CTU2: variants seen among roughly 807,000 people sequenced by gnomAD.
CTU2 encodes cytoplasmic tRNA 2-thiolation protein 2.
Under a neutral mutation model 64.1 loss-of-function variants are expected in CTU2, and 80 were observed. The observed-to-expected ratio is 1.25, with a 90% CI of 1.04 to 1.50. The LOEUF (loss-of-function observed/expected upper bound fraction) is 1.50, where lower values mean the gene tolerates loss of function less well. Among genes scored for constraint, CTU2 ranks in the 40% most tolerant of loss-of-function variants. CTU2 has a pLI of 0.00. For synonymous variants in CTU2, 482 were observed against 285.3 expected, an observed-to-expected ratio of 1.69 and a Z score of -6.95; for missense variants, 1,110 against 690.2, an observed-to-expected ratio of 1.61 and a Z score of -6.81.
chr16:88,714,830 G>T (rs1240979472), intron 12 of CTU2, 30 bp from the exon 13 acceptor site: 2 of 1,612,206 alleles, frequency 1.2e-6, no homozygotes, highest in Non-Finnish European at 1.7e-6. Flanking sequence ...AGGTGCCAAG[G>T]TGGGCACACA....
intron 2 of CTU2, chr16:88,709,100 C>A (rs1376221944): frequency 6.6e-6 from 1 of 152,194 alleles, no homozygotes; most frequent in Admixed American, 6.5e-5. Flanking sequence ...CAAAGTGAGA[C>A]CTTGTCTCTA....
intron 2 of CTU2, 124 bp from the exon 3 acceptor site, chr16:88,709,814 G>T: frequency 1.2e-6 from 1 of 836,998 alleles, no homozygotes; most frequent in African/African-American, 1.7e-5. Flanking sequence ...GACAGAGCCT[G>T]GATGTGAAGA....
chr16:88,707,978 T>C (rs1911027112), intron 2 of CTU2, among the ~76,000 whole-genome samples: 1 of 151,914 alleles, frequency 6.6e-6, no homozygotes, highest in African/African-American at 2.4e-5. Context: ...GCCCGGCCAA[T>C]TGTTTTTGTA....
intron 8 of CTU2, 28 bp from the exon 9 acceptor site, chr16:88,713,619 T>G (rs751505072): frequency 6.2e-7 from 1 of 1,606,178 alleles, no homozygotes; most frequent in Non-Finnish European, 8.5e-7. Context: ...GGCCTTGACC[T>G]GGACCACACA....
At chr16:88,706,646 C>G (rs886131943) in intron 1 of CTU2, 48 bp downstream of exon 1, 1 of 1,304,710 alleles carries the variant, frequency 7.7e-7, no homozygotes, top group Non-Finnish European at 9.9e-7. Flanking sequence ...GCCTTCCCGC[C>G]GCACTCCTGC....
rs1282935215 is a variant in CTU2 at position 88,714,676 on chromosome 16, G to A, written c.1291G>A (p.Gly431Arg). The A allele has an allele frequency of 1.9e-6, 3 of 1,612,308 alleles. No homozygotes were observed. The highest frequency in any genetic ancestry group is 2.2e-5 in the East Asian group (1 of 44,856). ...IPLTETRTPP[G>R]PCCSPGVGWA... ...CCTGACTGAGACCCGGACACCCCCG[G>A]GGCCCTGCTGTTCTCCAGGGGTGGG... is the stretch of plus-strand genomic sequence containing the variant. The change falls in exon 12 of 15, where the codon GGG (glycine) becomes AGG (arginine). Residue 431 changes from glycine (G) to arginine (R), a missense_variant. Transcript: ENST00000453996.
chr16:88,711,358 G>A (rs914155549), intron 4 of CTU2, among the ~76,000 whole-genome samples: 2 of 152,156 alleles, frequency 1.3e-5, no homozygotes, highest in Non-Finnish European at 2.9e-5. Context: ...CTCCTGGGGC[G>A]TTGTTGGGAC....
In CTU2 at chr16:88,714,935, G is replaced by C. The variant is rs373232663; in HGVS notation, c.1419+9G>C. 3 of 1,612,344 alleles carry C rather than the reference G, an allele frequency of 1.9e-6. No individual in the cohort carries two copies. The highest frequency in any genetic ancestry group is 2.7e-5 in the African/African-American group (2 of 74,918). ...TGAACATGAAGGACTTGGTGAGTAC[G>C]TGCCCACCTGTCCTGGGCCGGGCTT... On this transcript the variant is annotated intron_variant, in intron 13 of 14. Transcript: ENST00000453996.
In CTU2 at chr16:88,715,122, CT is replaced by C. The variant is rs1567654495; in HGVS notation, c.1478+17del. 2 of 1,598,380 alleles carry C rather than the reference CT, an allele frequency of 1.3e-6. No individual in the cohort carries two copies. Among genetic ancestry groups the C allele is most frequent in the Admixed American group, 1.7e-5 (1 of 58,720 alleles). Reference sequence around the variant, plus strand: ...GCACACAGAGGTACTGGGGCCCACACTGCCGTGGCGCGTGGGTAAGGGGCCT... The same window carrying C: ...GCACACAGAGGTACTGGGGCCCACACGCCGTGGCGCGTGGGTAAGGGGCCT... On this transcript the variant is annotated intron_variant, in intron 14 of 14. Coordinates refer to ENST00000453996, the MANE Select transcript of CTU2 (RefSeq NM_001012759.3).
At chr16:88,710,041 G>C (rs775030045) in intron 3 of CTU2, 25 bp downstream of exon 3, 1 of 1,612,486 alleles carries the variant, frequency 6.2e-7, no homozygotes, top group East Asian at 2.2e-5. Flanking sequence ...CTGGGGGTCT[G>C]ACTGAGCAGC....
In CTU2 at chr16:88,706,603, G is replaced by C. The variant is rs1482473471; in HGVS notation, c.68+5G>C. On this transcript the variant is annotated splice_donor_5th_base_variant and intron_variant, in intron 1 of 14. Transcript: ENST00000453996. ...GCCCCCGGCGCCGCGGCCCAGGTAA[G>C]AGCTGGCGGCCGGACCCGCCAGGCC... 8.4e-6 allele frequency: 12 copies of C among 1,421,952 alleles called. No individual in the cohort carries two copies. The highest frequency in any genetic ancestry group is 1.5e-5 in the African/African-American group (1 of 66,168). The allele number at this position is 1,421,952 out of a possible 1,614,324, so 88.1% of individuals were successfully genotyped here. A position where few individuals can be genotyped will look rare whatever the true frequency, so the allele number is the denominator to read the frequency against.
Position 88,712,693 on chromosome 16 carries a change from G to C in CTU2, c.525G>C (p.Lys175Asn). 1 of 1,610,534 alleles carries C rather than the reference G, an allele frequency of 6.2e-7. No individual in the cohort carries two copies. Among genetic ancestry groups the C allele is most frequent in the South Asian group, 1.1e-5 (1 of 90,946 alleles). The change falls in exon 7 of 15, where the codon AAG (lysine) becomes AAC (asparagine). Residue 175 changes from lysine (K) to asparagine (N), a missense_variant. Transcript: ENST00000453996. Reference sequence around the variant, plus strand: ...TGGTGGGATCCGAGGGGGCCTACAAGGCGGCCGTGGACAGCTTCCTCCAGC... The same window carrying C: ...TGGTGGGATCCGAGGGGGCCTACAACGCGGCCGTGGACAGCTTCCTCCAGC... ...QELVGSEGAY[K>N]AAVDSFLQQQ...
chr16:88,712,618 G>A lies in CTU2; in HGVS notation c.454-4G>A, dbSNP rs965185849. ...CCTCACTGGCGTCTCCCTCATCCCG[G>A]AAGGTGTTCAGCCTGCCACCGTCGG... On this transcript the variant is annotated splice_region_variant and splice_polypyrimidine_tract_variant and intron_variant, in intron 6 of 14. Transcript: ENST00000453996. 6.2e-7 allele frequency: 1 copy of A among 1,608,892 alleles called. No individual in the cohort carries two copies. The highest frequency in any genetic ancestry group is 1.3e-5 in the African/African-American group (1 of 74,830).
Position 88,715,162 on chromosome 16 carries a change from CACT to C in CTU2, c.1479-19_1479-17del. 1 of 1,611,042 alleles carries C rather than the reference CACT, an allele frequency of 6.2e-7. No homozygotes were observed. The highest frequency in any genetic ancestry group is 8.5e-7 in the Non-Finnish European group (1 of 1,179,208). Reference sequence around the variant, plus strand: ...GGTAAGGGGCCTCGGGGCTGGTGCCCACTGCAGCTTTCTCTCTAGGGCCTGGGG... The same window carrying C: ...GGTAAGGGGCCTCGGGGCTGGTGCCCGCAGCTTTCTCTCTAGGGCCTGGGG... On this transcript the variant is annotated splice_polypyrimidine_tract_variant and intron_variant, in intron 14 of 14. Coordinates refer to ENST00000453996, the MANE Select transcript of CTU2 (RefSeq NM_001012759.3).
intron 6 of CTU2, 100 bp from the exon 7 acceptor site, chr16:88,712,522 C>A: frequency 2.0e-6 from 3 of 1,513,694 alleles, no homozygotes; most frequent in South Asian, 2.5e-5. Context: ...GCCCGTGCCC[C>A]AGCCTCACTG....
In CTU2 at chr16:88,715,167, C is replaced by T. The variant is rs200700086; in HGVS notation, c.1479-15C>T. 2.8e-5 allele frequency: 45 copies of T among 1,611,186 alleles called. No individual in the cohort carries two copies. The highest frequency in any genetic ancestry group is 2.7e-5 in the Non-Finnish European group (32 of 1,179,284). On this transcript the variant is annotated splice_polypyrimidine_tract_variant and intron_variant, in intron 14 of 14. Coordinates refer to ENST00000453996, the MANE Select transcript of CTU2 (RefSeq NM_001012759.3). ...GGGGCCTCGGGGCTGGTGCCCACTG[C>T]AGCTTTCTCTCTAGGGCCTGGGGCT... is the stretch of plus-strand genomic sequence containing the variant.
intron 3 of CTU2, 96 bp from the exon 4 acceptor site, chr16:88,710,127 C>T: frequency 6.3e-7 from 1 of 1,583,466 alleles, no homozygotes; most frequent in Non-Finnish European, 8.7e-7. Flanking sequence ...CCTCCTTGGC[C>T]TTTGAGGACA....
intron 2 of CTU2, 25 bp from the exon 3 acceptor site, chr16:88,709,913 C>A (rs757557541): frequency 1.2e-6 from 2 of 1,609,380 alleles, no homozygotes; most frequent in East Asian, 4.5e-5. Flanking sequence ...GCAGGCGGTT[C>A]CCTCATCTCA....
intron 9 of CTU2, 84 bp downstream of exon 9, chr16:88,713,862 G>T: frequency 6.4e-7 from 1 of 1,555,780 alleles, no homozygotes; most frequent in Non-Finnish European, 8.8e-7. Context: ...ACAGGCTCAG[G>T]TCACCAGCAC....
Sources: gnomAD v4.1 joint callset for allele counts (sites outside exome capture counted in the v4.1 genomes callset) on GRCh38, gnomAD v4.1.1 for gene constraint, MANE v1.5 for transcripts, NCBI Gene and HGNC (gene_info 2026-07-23, HGNC 2026-07-21) for gene names.